The following FARS2 variants were observed in gnomAD, a reference collection of about 807,000 sequenced individuals.
FARS2 encodes phenylalanine--tRNA ligase, mitochondrial.
A neutral mutation model predicts 46.4 loss-of-function variants in FARS2; 40 were observed. That is an observed-to-expected ratio of 0.86 (90% confidence interval 0.67 to 1.12). FARS2 has a LOEUF of 1.12. Among genes scored for constraint, FARS2 ranks in the 50% most tolerant of loss-of-function variants. FARS2 has a pLI of 0.00. For missense variants in FARS2, 513 were observed against 567.9 expected (o/e 0.90, Z 0.98); for synonymous variants, 234 against 214.9 (o/e 1.09, Z -0.78).
intron 5 of FARS2, among the ~76,000 whole-genome samples, chr6:5,579,030 A>G (rs527576148): frequency 6.6e-6 from 1 of 152,190 alleles, no homozygotes; most frequent in Non-Finnish European, 1.5e-5. Flanking sequence ...TTCTTAGCAC[A>G]GTACATGACA....
intron 6 of FARS2, among the ~76,000 whole-genome samples, chr6:5,760,304 A>G (rs1762416256): frequency 6.6e-6 from 1 of 152,194 alleles, no homozygotes; most frequent in African/African-American, 2.4e-5. Context: ...AACTCCTTGG[A>G]TAGGTGGCTC....
At chr6:5,256,385 G>A (rs1196672073), upstream of FARS2, among the ~76,000 whole-genome samples, 1 of 150,718 alleles carries the variant, frequency 6.6e-6, no homozygotes, top group East Asian at 2.0e-4. Context: ...AGCTACTCGG[G>A]AGGCTGAGGC....
chr6:5,368,540 C>T lies in FARS2; in HGVS notation c.-21-10C>T. The T allele has an allele frequency of 6.4e-7, 1 of 1,574,486 alleles. No individual in the cohort carries two copies. The highest frequency in any genetic ancestry group is 2.2e-5 in the East Asian group (1 of 44,452). ...ACCTGACTTGTGCTTTGCCTGTGTG[C>T]TCTTTCCAGAACCTGTGAGAAGTTT... On this transcript the variant is annotated splice_polypyrimidine_tract_variant and intron_variant, in intron 1 of 6. Coordinates refer to ENST00000274680, the MANE Select transcript of FARS2 (RefSeq NM_006567.5).
At chr6:5,391,440 G>A (rs1429682269) in intron 2 of FARS2, among the ~76,000 whole-genome samples, 1 of 152,234 alleles carries the variant, frequency 6.6e-6, no homozygotes, top group Non-Finnish European at 1.5e-5. Context: ...TTAACCGTTA[G>A]TACTGCAAGT....
chr6:5,698,291 C>T (rs1277540221), intron 6 of FARS2, among the ~76,000 whole-genome samples: 5 of 152,078 alleles, frequency 3.3e-5, no homozygotes, highest in East Asian at 1.9e-4. Flanking sequence ...GGTGGAAGGC[C>T]GAGGGGCTGC....
At chr6:5,728,369 AT>A (rs1349090012) in intron 6 of FARS2, among the ~76,000 whole-genome samples, 3 of 151,814 alleles carry the variant, frequency 2.0e-5, no homozygotes, top group Non-Finnish European at 4.4e-5. Flanking sequence ...TTAAAGCTTT[AT>A]TGTTTTTGTT....
intron 5 of FARS2, among the ~76,000 whole-genome samples, chr6:5,599,058 G>T (rs920551005): frequency 2.6e-5 from 4 of 152,144 alleles, no homozygotes; most frequent in Non-Finnish European, 5.9e-5. Flanking sequence ...CAGAATGGGG[G>T]CCTTGCAGAG....
At chr6:5,547,828 G>A (rs780256408) in intron 5 of FARS2, among the ~76,000 whole-genome samples, 23 of 152,202 alleles carry the variant, frequency 1.5e-4, no homozygotes, top group Admixed American at 7.2e-4. Flanking sequence ...ACGCCCCAGT[G>A]GCGACAGCAG....
intron 4 of FARS2, among the ~76,000 whole-genome samples, chr6:5,502,872 C>A (rs567249307): frequency 6.6e-6 from 1 of 152,100 alleles, no homozygotes; most frequent in South Asian, 2.1e-4. Flanking sequence ...TCAGATACTT[C>A]AAATAGAAAA....
At chr6:5,629,714 AG>A (rs1425113232) in intron 6 of FARS2, among the ~76,000 whole-genome samples, 1 of 152,196 alleles carries the variant, frequency 6.6e-6, no homozygotes, top group African/African-American at 2.4e-5. Flanking sequence ...GTTGGAAAAC[AG>A]GTCAAGGAAA....
intron 1 of FARS2, among the ~76,000 whole-genome samples, chr6:5,352,334 G>C (rs1299396687): frequency 6.6e-6 from 1 of 151,014 alleles, no homozygotes; most frequent in African/African-American, 2.4e-5. Context: ...AAAAAAAAAA[G>C]CTTCCCAACC....
intron 5 of FARS2, among the ~76,000 whole-genome samples, chr6:5,550,314 T>A (rs1460951174): frequency 2.0e-5 from 3 of 152,176 alleles, no homozygotes; most frequent in Admixed American, 6.5e-5. Flanking sequence ...TCTTGCTCTT[T>A]CATCAGGCTG....
intron 5 of FARS2, chr6:5,609,722 T>C (rs1355406368): frequency 1.7e-5 from 25 of 1,493,652 alleles, no homozygotes; most frequent in African/African-American, 2.8e-5. Flanking sequence ...CACGGAGTCA[T>C]GGTCGTCAAA....
chr6:5,505,937 C>T (rs571720782), intron 4 of FARS2, among the ~76,000 whole-genome samples: 22 of 152,280 alleles, frequency 1.4e-4, no homozygotes, highest in Non-Finnish European at 2.5e-4. Flanking sequence ...TGTTGGCAGC[C>T]AGAAGAGTCT....
chr6:5,254,211 C>G, the FARS2 span, among the ~76,000 whole-genome samples: 1 of 152,198 alleles, frequency 6.6e-6, no homozygotes, highest in Non-Finnish European at 1.5e-5. Flanking sequence ...GTCACAAAAC[C>G]AACGCTTCAC....
chr6:5,691,227 G>A (rs1319343862), intron 6 of FARS2, among the ~76,000 whole-genome samples: 1 of 152,144 alleles, frequency 6.6e-6, no homozygotes, highest in Non-Finnish European at 1.5e-5. Context: ...TTCCATTGCT[G>A]GTGAGGAGCT....
At chr6:5,503,634 A>T (rs1767938394) in intron 4 of FARS2, among the ~76,000 whole-genome samples, 1 of 152,216 alleles carries the variant, frequency 6.6e-6, no homozygotes, top group Non-Finnish European at 1.5e-5. Flanking sequence ...TATAGAATGT[A>T]CATATAATTG....
intron 1 of FARS2, among the ~76,000 whole-genome samples, chr6:5,288,883 C>T (rs1363101962): frequency 1.3e-5 from 2 of 152,192 alleles, no homozygotes; most frequent in African/African-American, 4.8e-5. Context: ...GTTTCTCCAT[C>T]ATGAAAATGT....
intron 3 of FARS2, among the ~76,000 whole-genome samples, chr6:5,414,174 C>G (rs1031265344): frequency 2.0e-5 from 3 of 152,164 alleles, no homozygotes; most frequent in African/African-American, 4.8e-5. Flanking sequence ...CTGTTGAGGT[C>G]ACGATTGATT....
Sources: allele counts gnomAD v4.1 joint callset (sites outside exome capture counted in the v4.1 genomes callset), GRCh38; gene constraint gnomAD v4.1.1; transcripts MANE v1.5; gene names NCBI Gene and HGNC (gene_info 2026-07-23, HGNC 2026-07-21).